Variants in ELAC2 observed in about 807,000 individuals in gnomAD.
The protein encoded by ELAC2 is zinc phosphodiesterase ELAC protein 2.
Under a neutral mutation model 105.2 loss-of-function variants are expected in ELAC2, and 92 were observed. That is an observed-to-expected ratio of 0.87 (90% CI 0.74 to 1.04). ELAC2 has a LOEUF of 1.04. Among genes scored for constraint, ELAC2 ranks in the 50% least tolerant of loss-of-function variants. The pLI, the probability that ELAC2 is intolerant of heterozygous loss-of-function variation, is 0.00. For synonymous variants in ELAC2, 468 were observed against 409.1 expected (o/e 1.14, Z -1.74); for missense variants, 1,099 against 1,071.7 (o/e 1.03, Z -0.36).
intron 22 of ELAC2, 50 bp downstream of exon 22, chr17:12,994,375 G>C (rs752085443): frequency 6.2e-7 from 1 of 1,601,534 alleles, no homozygotes; most frequent in African/African-American, 1.3e-5. Context: ...GTGTCACGTA[G>C]TGGGGGAGGG....
chr17:12,991,768 T>A lies in ELAC2; in HGVS notation c.*1050A>T, dbSNP rs1156509010. ...CCAGGTCCCTGGCTGATCTCTCGCTTGCTTGTCTTTTGAGTTTTTAAAGCT... is the reference window on the plus strand; with the variant it reads ...CCAGGTCCCTGGCTGATCTCTCGCTAGCTTGTCTTTTGAGTTTTTAAAGCT... On this transcript the variant is annotated 3_prime_UTR_variant, in exon 24 of 24. Coordinates refer to ENST00000338034, the MANE Select transcript of ELAC2 (RefSeq NM_018127.7). The A allele has an allele frequency of 4.7e-6, 1 of 213,260 alleles. No homozygotes were observed. The highest frequency in any genetic ancestry group is 2.3e-5 in the African/African-American group (1 of 44,034). 13.2% of individuals were successfully genotyped at this position (213,260 alleles called of 1,614,324 possible).
chr17:13,002,399 G>T (rs777289699), intron 13 of ELAC2, 40 bp from the exon 14 acceptor site: 2 of 1,614,148 alleles, frequency 1.2e-6, no homozygotes, highest in Non-Finnish European at 1.7e-6. Context: ...GAAAGAGAGG[G>T]GACGAGAGCT....
chr17:12,994,996 G>A lies in ELAC2; in HGVS notation c.1875C>T (p.Ile625=). The change falls in exon 20 of 24, where the codon ATC becomes ATT. Residue 625 remains isoleucine (I), a synonymous_variant. Coordinates refer to ENST00000338034, the MANE Select transcript of ELAC2 (RefSeq NM_018127.7). ...EISSPAVERL[I]SSLLRTCDLE... is the part of the protein sequence containing the mutation. Reference sequence around the variant, plus strand: ...AATCACATGTTCGCAACAGCGAACTGATCAATCTTTCCACTGCAGGACTGG... The same window carrying A: ...AATCACATGTTCGCAACAGCGAACTAATCAATCTTTCCACTGCAGGACTGG... 2.5e-6 allele frequency: 4 copies of A among 1,614,202 alleles called. No homozygotes were observed. Among genetic ancestry groups the A allele is most frequent in the Non-Finnish European group, 3.4e-6 (4 of 1,180,042 alleles).
intron 12 of ELAC2, 53 bp from the exon 13 acceptor site, chr17:13,002,632 C>A: frequency 1.9e-6 from 3 of 1,561,520 alleles, no homozygotes; most frequent in South Asian, 1.2e-5. Flanking sequence ...GCAGCTCCCC[C>A]TGAGGAGTGG....
At chr17:13,017,032 G>A (rs753295467) in intron 2 of ELAC2, 39 bp downstream of exon 2, 2 of 1,613,394 alleles carry the variant, frequency 1.2e-6, no homozygotes, top group Non-Finnish European at 1.7e-6. Flanking sequence ...TTCAAGCCCC[G>A]TAATCAACTC....
chr17:12,994,689 A>G, intron 21 of ELAC2, 75 bp downstream of exon 21: 2 of 1,611,890 alleles, frequency 1.2e-6, no homozygotes, highest in Admixed American at 1.7e-5. Context: ...TTTCCCTGCA[A>G]GCCCACCTGC....
chr17:13,009,603 G>T (rs1029474924), intron 8 of ELAC2, among the ~76,000 whole-genome samples: 1 of 152,204 alleles, frequency 6.6e-6, no homozygotes, highest in Non-Finnish European at 1.5e-5. Context: ...AGAGTTAAAA[G>T]ACTTTGAATA....
At chr17:13,014,336 A>T (rs2143677493) in intron 5 of ELAC2, 103 bp downstream of exon 5, 18 of 720,470 alleles carry the variant, frequency 2.5e-5, no homozygotes, top group Non-Finnish European at 3.5e-5. Context: ...GAAGCATTTG[A>T]TTTTGAGGTT....
intron 8 of ELAC2, among the ~76,000 whole-genome samples, chr17:13,009,860 G>GC (rs1201396649): frequency 6.6e-6 from 1 of 151,906 alleles, no homozygotes; most frequent in Non-Finnish European, 1.5e-5. Flanking sequence ...GTGGTGGCGC[G>GC]CACCTATAAT....
chr17:13,006,014 G>A, intron 8 of ELAC2, 35 bp from the exon 9 acceptor site: 1 of 1,595,320 alleles, frequency 6.3e-7, no homozygotes, highest in Non-Finnish European at 8.6e-7. Flanking sequence ...GATCTTAGGG[G>A]CTAATGAAGA....
rs1403145056 is a variant in ELAC2, at chr17:13,007,060, G to A, written c.739-1081C>T. On this transcript the variant is annotated intron_variant, in intron 8 of 23. Coordinates refer to ENST00000338034, the MANE Select transcript of ELAC2 (RefSeq NM_018127.7). ...AGGAGGCGGAAGATTGCAGTGACCC[G>A]AGATCGTGCCACTGCACTCCAGCCT... Among the ~76,000 whole-genome samples, 3 of 151,256 alleles carry A rather than the reference G, an allele frequency of 2.0e-5. No homozygotes were observed. In the East Asian group the frequency reaches 5.8e-4, roughly 29 times the overall value.
chr17:13,018,026 A>AT lies in ELAC2; in HGVS notation c.-80dup, dbSNP rs1567780018. ...CCCGTGCACCACCTAGCCGCTCCGCATGGCGGATCCAGCCAATCAGCGCGC... is the reference window on the plus strand; with the variant it reads ...CCCGTGCACCACCTAGCCGCTCCGCATTGGCGGATCCAGCCAATCAGCGCGC... On this transcript the variant is annotated 5_prime_UTR_variant, in exon 1 of 24. It adds an upstream start codon to the 5' untranslated region. Transcript: ENST00000338034. 9 of 1,529,772 alleles carry AT rather than the reference A, an allele frequency of 5.9e-6. No individual in the cohort carries two copies. The highest frequency in any genetic ancestry group is 1.4e-5 in the African/African-American group (1 of 72,828). The allele number at this position is 1,529,772 out of a possible 1,614,324, so 94.8% of individuals were successfully genotyped here.
intron 17 of ELAC2, chr17:12,996,315 G>C: frequency 1.5e-6 from 1 of 675,306 alleles, no homozygotes; most frequent in Non-Finnish European, 2.6e-6. Context: ...AGGAAGGCTG[G>C]GTAAACTCAA....
chr17:12,997,158 G>A (rs993861935), intron 16 of ELAC2, among the ~76,000 whole-genome samples: 1 of 152,134 alleles, frequency 6.6e-6, no homozygotes, highest in Non-Finnish European at 1.5e-5. Flanking sequence ...GACACCTGGT[G>A]CAGGGCGGGC....
At chr17:13,017,639 C>A in intron 1 of ELAC2, 64 bp downstream of exon 1, 1 of 1,610,484 alleles carries the variant, frequency 6.2e-7, no homozygotes, top group South Asian at 1.1e-5. Context: ...GGGAGGTGCC[C>A]CGATGCTCAG....
rs185201213 is a variant in ELAC2 at position 13,007,841 on chromosome 17, G to A, written c.739-1862C>T. Among the ~76,000 whole-genome samples the A allele has an allele frequency of 5.2e-3, 789 of 152,166 alleles. 7 individuals are homozygous for A. The highest frequency in any genetic ancestry group is 0.018 in the African/African-American group (734 of 41,488). ...TGCAGTGAGCTAAGATTGCGCCACC[G>A]CACTCCAGCCTGGGCAACACAGAAA... On this transcript the variant is annotated intron_variant, in intron 8 of 23. Coordinates refer to ENST00000338034, the MANE Select transcript of ELAC2 (RefSeq NM_018127.7).
Position 12,994,420 on chromosome 17 carries a change from G to C in ELAC2, c.2108+5C>G. 3 of 1,614,192 alleles carry C rather than the reference G, an allele frequency of 1.9e-6. No homozygotes were observed. The highest frequency in any genetic ancestry group is 2.5e-6 in the Non-Finnish European group (3 of 1,180,038). On this transcript the variant is annotated splice_donor_5th_base_variant and intron_variant, in intron 22 of 23. Coordinates refer to ENST00000338034, the MANE Select transcript of ELAC2 (RefSeq NM_018127.7). The stretch of plus-strand genomic sequence containing the variant: ...GGGCGACAAGGACTGACCGGCCTTT[G>C]CTACCTGTGTGTCTTTTCCACTGCT...
chr17:13,003,470 G>A lies in ELAC2; in HGVS notation c.1079+9C>T, dbSNP rs2040935930. On this transcript the variant is annotated intron_variant, in intron 12 of 23. Transcript: ENST00000338034. ...GTTACCCCAAGTGCCGCTGGGCTGG[G>A]CTCCATACCTCTCCATCCACTGCTG... 1 of 1,613,766 alleles carries A rather than the reference G, an allele frequency of 6.2e-7. No individual in the cohort carries two copies. Among genetic ancestry groups the A allele is most frequent in the Admixed American group, 1.7e-5 (1 of 60,026 alleles).
chr17:12,998,550 A>ACTTTTGACCC, intron 15 of ELAC2, 42 bp from the exon 16 acceptor site: 1 of 1,562,008 alleles, frequency 6.4e-7, no homozygotes, highest in Non-Finnish European at 8.8e-7. Context: ...CCTTTGGGTC[A>ACTTTTGACCC]AAAGTGAGCC....
Sources: allele counts gnomAD v4.1 joint callset (sites outside exome capture counted in the v4.1 genomes callset), GRCh38; gene constraint gnomAD v4.1.1; transcripts MANE v1.5; gene names NCBI Gene and HGNC (gene_info 2026-07-23, HGNC 2026-07-21).